ADAMTS18: variants seen among roughly 807,000 people sequenced by gnomAD.
ADAMTS18 encodes A disintegrin and metalloproteinase with thrombospondin motifs 18.
ADAMTS18 carries 157 observed loss-of-function variants against 165.9 expected under a neutral mutation model. The ratio of observed to expected loss-of-function variants is 0.95; its 90% CI spans 0.83 to 1.08. The LOEUF is 1.08. ADAMTS18 is among the 50% of genes least tolerant of loss of function. The pLI is 0.00. For missense variants in ADAMTS18, 2,040 were observed against 1,534.0 expected, an observed-to-expected ratio of 1.33 and a Z score of -5.51; for synonymous variants, 782 against 578.2, an observed-to-expected ratio of 1.35 and a Z score of -5.06.
At chr16:77,344,496 T>C (rs950062944) in intron 10 of ADAMTS18, among the ~76,000 whole-genome samples, 3 of 152,044 alleles carry the variant, frequency 2.0e-5, no homozygotes, top group African/African-American at 7.2e-5. Flanking sequence ...GCCGCCTATG[T>C]GAAATGGGAG....
At chr16:77,426,339 C>T (rs2057672682) in intron 3 of ADAMTS18, among the ~76,000 whole-genome samples, 1 of 151,642 alleles carries the variant, frequency 6.6e-6, no homozygotes, top group African/African-American at 2.4e-5. Flanking sequence ...TGAAGAGATG[C>T]TCCTTGGAAA....
At chr16:77,389,159 G>C (rs1336466805) in intron 3 of ADAMTS18, among the ~76,000 whole-genome samples, 1 of 152,114 alleles carries the variant, frequency 6.6e-6, no homozygotes, top group Non-Finnish European at 1.5e-5. Context: ...AAATTAGCGA[G>C]GCATGGTTGC....
intron 4 of ADAMTS18, among the ~76,000 whole-genome samples, chr16:77,366,593 GCAAA>G (rs2056798316): frequency 6.6e-6 from 1 of 152,022 alleles, no homozygotes. Context: ...AAAAAAACAA[GCAAA>G]AAGAAAATGT....
chr16:77,336,660 CT>C (rs1175562373), intron 11 of ADAMTS18, among the ~76,000 whole-genome samples: 1 of 152,162 alleles, frequency 6.6e-6, no homozygotes, highest in Non-Finnish European at 1.5e-5. Flanking sequence ...AGATGGAGAG[CT>C]TTTTTCTGTA....
chr16:77,401,199 A>T (rs2057327279), intron 3 of ADAMTS18, among the ~76,000 whole-genome samples: 1 of 152,130 alleles, frequency 6.6e-6, no homozygotes, highest in Non-Finnish European at 1.5e-5. Context: ...GGTTGCGGTG[A>T]GCCGAGATCA....
intron 3 of ADAMTS18, among the ~76,000 whole-genome samples, chr16:77,409,653 A>T (rs1254172054): frequency 6.6e-6 from 1 of 152,162 alleles, no homozygotes; most frequent in Admixed American, 6.5e-5. Context: ...TATGGCATTT[A>T]TGGTGAACCA....
chr16:77,423,986 T>G (rs576126857), intron 3 of ADAMTS18, among the ~76,000 whole-genome samples: 1 of 152,286 alleles, frequency 6.6e-6, no homozygotes, highest in East Asian at 1.9e-4. Flanking sequence ...AAGTCAAGAC[T>G]AATCAAGCAT....
intron 3 of ADAMTS18, among the ~76,000 whole-genome samples, chr16:77,395,876 A>G (rs2057250554): frequency 1.3e-5 from 2 of 152,198 alleles, no homozygotes; most frequent in African/African-American, 4.8e-5. Flanking sequence ...TAGATATGAT[A>G]TTATTAATAC....
intron 10 of ADAMTS18, among the ~76,000 whole-genome samples, chr16:77,342,012 G>A (rs2056405885): frequency 6.6e-6 from 1 of 152,176 alleles, no homozygotes; most frequent in Non-Finnish European, 1.5e-5. Context: ...ATATTCATGT[G>A]TGTTTTGTAA....
chr16:77,364,353 G>T lies in ADAMTS18; in HGVS notation c.807C>A (p.Thr269=). ...TCCCATATTCATCAAACCTTAGATA[G>T]GTGTCCTCTGTGGGAGGCTTGGGAG... The part of the protein sequence containing the change: ...KYAPKPPTED[T]YLRFDEYGSS... The change falls in exon 5 of 23, where the codon ACC becomes ACA. Residue 269 remains threonine, a synonymous_variant. Coordinates refer to ENST00000282849, the MANE Select transcript of ADAMTS18 (RefSeq NM_199355.4). 6.2e-7 allele frequency: 1 copy of T among 1,613,820 alleles called. No individual in the cohort carries two copies. The highest frequency in any genetic ancestry group is 8.5e-7 in the Non-Finnish European group (1 of 1,179,996).
intron 3 of ADAMTS18, among the ~76,000 whole-genome samples, chr16:77,383,838 G>A (rs6564442): frequency 0.57 from 87,150 of 151,922 alleles, 26,047 homozygotes; most frequent in African/African-American, 0.72. Flanking sequence ...ACCGTGCCTG[G>A]CCCAAAAAGC....
At chr16:77,337,647 T>C (rs2144678873) in intron 11 of ADAMTS18, among the ~76,000 whole-genome samples, 1 of 152,300 alleles carries the variant, frequency 6.6e-6, no homozygotes, top group South Asian at 2.1e-4. Flanking sequence ...ATCTAATTTC[T>C]TTTTGGAAAA....
chr16:77,334,763 CAG>C (rs1350379046), intron 12 of ADAMTS18, among the ~76,000 whole-genome samples: 2 of 6,854 alleles, frequency 2.9e-4, no homozygotes, highest in Admixed American at 4.1e-3. Context: ...CTATAGTATA[CAG>C]TATATATACT....
intron 11 of ADAMTS18, 46 bp downstream of exon 11, chr16:77,341,658 C>A (rs1260171218): frequency 6.8e-7 from 1 of 1,467,258 alleles, no homozygotes; most frequent in Non-Finnish European, 9.5e-7. Context: ...GAATTCTATG[C>A]CTTATCAAAT....
intron 13 of ADAMTS18, 25 bp downstream of exon 13, chr16:77,325,841 T>G: frequency 6.3e-7 from 1 of 1,598,184 alleles, no homozygotes; most frequent in African/African-American, 1.3e-5. Flanking sequence ...AGAGACTTAT[T>G]TGAATGTCAT....
At chr16:77,361,453 C>T (rs952455536) in intron 7 of ADAMTS18, among the ~76,000 whole-genome samples, 2 of 152,156 alleles carry the variant, frequency 1.3e-5, no homozygotes, top group African/African-American at 4.8e-5. Context: ...TACCTAGTGG[C>T]ACAGTTAGGT....
At chr16:77,430,133 G>A (rs1322873312) in intron 3 of ADAMTS18, among the ~76,000 whole-genome samples, 1 of 150,310 alleles carries the variant, frequency 6.7e-6, no homozygotes, top group African/African-American at 2.4e-5. Flanking sequence ...GTAAAGAGAA[G>A]GAGATGTGCC....
intron 22 of ADAMTS18, among the ~76,000 whole-genome samples, chr16:77,287,841 G>C (rs1296938218): frequency 6.6e-6 from 1 of 152,142 alleles, no homozygotes; most frequent in East Asian, 1.9e-4. Context: ...ACCACAGGTA[G>C]AACTGACCAT....
At chr16:77,309,741 C>T (rs1424101578) in intron 16 of ADAMTS18, among the ~76,000 whole-genome samples, 1 of 152,118 alleles carries the variant, frequency 6.6e-6, no homozygotes, top group Non-Finnish European at 1.5e-5. Flanking sequence ...TCGCATTATC[C>T]TGCCTTGTAC....
Sources: allele counts gnomAD v4.1 joint callset (sites outside exome capture counted in the v4.1 genomes callset), GRCh38; gene constraint gnomAD v4.1.1; transcripts MANE v1.5; gene names NCBI Gene and HGNC (gene_info 2026-07-23, HGNC 2026-07-21).